NINL: variants seen among roughly 807,000 people sequenced by gnomAD.
The protein encoded by NINL is ninein like.
A neutral mutation model predicts 160.3 loss-of-function variants in NINL; 153 were observed. The observed-to-expected ratio is 0.95, with a 90% confidence interval of 0.84 to 1.09. The LOEUF (loss-of-function observed/expected upper bound fraction) is 1.09, where lower values mean the gene tolerates loss of function less well. NINL is among the 50% of genes least tolerant of loss of function. NINL has a pLI of 0.00. For synonymous variants in NINL, 800 were observed against 734.8 expected (o/e 1.09, Z -1.43); for missense variants, 1,829 against 1,764.0 (o/e 1.04, Z -0.66).
At chr20:25,554,047 C>G (rs116557318) in intron 1 of NINL, among the ~76,000 whole-genome samples, 103 of 152,316 alleles carry the variant, frequency 6.8e-4, no homozygotes, top group African/African-American at 2.5e-3. Context: ...AAGGACCAGG[C>G]CTTCTAACCT....
intron 1 of NINL, among the ~76,000 whole-genome samples, chr20:25,562,187 T>C (rs867903015): frequency 5.3e-4 from 56 of 105,114 alleles, no homozygotes; most frequent in South Asian, 7.2e-4. Context: ...GTCAGCCCCC[T>C]GCCCGGCCAG....
chr20:25,462,958 C>T (rs1415219223), intron 19 of NINL, among the ~76,000 whole-genome samples: 1 of 152,124 alleles, frequency 6.6e-6, no homozygotes, highest in Non-Finnish European at 1.5e-5. Context: ...CCCAGCCCCA[C>T]CTTGCCCCCT....
At chr20:25,482,570 C>T (rs1483028537) in intron 13 of NINL, among the ~76,000 whole-genome samples, 3 of 151,632 alleles carry the variant, frequency 2.0e-5, no homozygotes, top group African/African-American at 4.8e-5. Flanking sequence ...AGGCTGGTCT[C>T]GAACTCCTGG....
intron 2 of NINL, among the ~76,000 whole-genome samples, chr20:25,525,587 A>G (rs2064344414): frequency 6.6e-6 from 1 of 152,122 alleles, no homozygotes; most frequent in African/African-American, 2.4e-5. Flanking sequence ...CTGGGAGTTG[A>G]AGGTTGCAGT....
intron 1 of NINL, among the ~76,000 whole-genome samples, chr20:25,584,468 G>GCAACAACAACAAGAA (rs1555880263): frequency 6.6e-6 from 1 of 151,998 alleles, no homozygotes; most frequent in Non-Finnish European, 1.5e-5. Flanking sequence ...TTCAAAAACA[G>GCAACAACAACAAGAA]CAACAACAAC....
At chr20:25,493,734 A>G (rs984612634) in intron 10 of NINL, among the ~76,000 whole-genome samples, 1 of 152,004 alleles carries the variant, frequency 6.6e-6, no homozygotes, top group Non-Finnish European at 1.5e-5. Context: ...CAGCTGACGG[A>G]GACCACAGAG....
At chr20:25,556,740 G>A (rs1287139648) in intron 1 of NINL, among the ~76,000 whole-genome samples, 1 of 152,154 alleles carries the variant, frequency 6.6e-6, no homozygotes, top group Admixed American at 6.5e-5. Flanking sequence ...CCAGGAGATC[G>A]AGGCTGCAGG....
intron 1 of NINL, among the ~76,000 whole-genome samples, chr20:25,584,563 C>T (rs1173042503): frequency 6.6e-6 from 1 of 152,208 alleles, no homozygotes; most frequent in African/African-American, 2.4e-5. Flanking sequence ...ACAGCAAAGG[C>T]CGCTAAGAAA....
intron 1 of NINL, among the ~76,000 whole-genome samples, chr20:25,539,834 A>G (rs748310362): frequency 7.2e-5 from 11 of 152,224 alleles, no homozygotes; most frequent in Non-Finnish European, 1.5e-4. Flanking sequence ...CCCCTTCTCT[A>G]TCATCCTTCC....
intron 1 of NINL, among the ~76,000 whole-genome samples, chr20:25,554,150 G>A (rs545717798): frequency 1.3e-5 from 2 of 152,290 alleles, no homozygotes; most frequent in East Asian, 3.9e-4. Flanking sequence ...GAAGGGCAGC[G>A]AGGTGTGTCG....
In NINL at chr20:25,546,300, AAC is replaced by A. The variant is rs150339249; in HGVS notation, c.-11-19704_-11-19703del. ...GTTTCCCCCAGGTGGATTCTGACTGAACAGTTTATGAGTGATTTCTCCATACC... is the reference window on the plus strand; with the variant it reads ...GTTTCCCCCAGGTGGATTCTGACTGAAGTTTATGAGTGATTTCTCCATACC... On this transcript the variant is annotated intron_variant, in intron 1 of 23. Transcript: ENST00000278886. Among the ~76,000 whole-genome samples, 1,000 of 152,298 alleles carry A rather than the reference AAC, an allele frequency of 6.6e-3. 17 individuals carry two copies. Among genetic ancestry groups the A allele is most frequent in the African/African-American group, 0.023 (958 of 41,566 alleles).
At chr20:25,568,656 C>T (rs1205922310) in intron 1 of NINL, among the ~76,000 whole-genome samples, 1 of 151,890 alleles carries the variant, frequency 6.6e-6, no homozygotes, top group Non-Finnish European at 1.5e-5. Context: ...AGTGATCCTG[C>T]CACCTCAGCC....
rs1210547274 is a variant in NINL, at chr20:25,479,057, G to A, written c.2067C>T (p.Val689=). The A allele has an allele frequency of 5.0e-6, 8 of 1,612,180 alleles. No homozygotes were observed. The African/African-American group carries it at 8.0e-5, about 16-fold the overall frequency. ...GCAGCTGCTCCTGCAGGCCCCAGAT[G>A]ACCTCCTGAGACTTCTCGTGGAGCT... The part of the protein sequence containing the change: ...LEELHEKSQE[V]IWGLQEQLQD... Residue 689 remains valine (V), a synonymous_variant, in exon 16 of 24, where the codon GTC becomes GTT. Coordinates refer to ENST00000278886, the MANE Select transcript of NINL (RefSeq NM_025176.6).
At chr20:25,552,633 T>C (rs2064818770) in intron 1 of NINL, among the ~76,000 whole-genome samples, 2 of 152,216 alleles carry the variant, frequency 1.3e-5, no homozygotes, top group Non-Finnish European at 2.9e-5. Flanking sequence ...CTCCAGCATT[T>C]GGTCAAGCCC....
chr20:25,461,719 C>A, intron 20 of NINL, 84 bp from the exon 21 acceptor site: 3 of 957,664 alleles, frequency 3.1e-6, no homozygotes, highest in Admixed American at 4.6e-5. Flanking sequence ...CAGAAAATTA[C>A]AGAAAAGAAA....
intron 2 of NINL, among the ~76,000 whole-genome samples, chr20:25,522,853 A>C (rs2064287297): frequency 1.3e-5 from 2 of 152,198 alleles, no homozygotes; most frequent in Admixed American, 6.5e-5. Context: ...AATAAGATAC[A>C]CCATCCCATC....
chr20:25,522,669 G>T (rs1295703953), intron 2 of NINL, among the ~76,000 whole-genome samples: 1 of 152,196 alleles, frequency 6.6e-6, no homozygotes, highest in African/African-American at 2.4e-5. Flanking sequence ...TGTGTTGTTG[G>T]TAATAATTGC....
rs182271112 is a variant in NINL at position 25,565,851 on chromosome 20, C to T, written c.-12+19604G>A. Among the ~76,000 whole-genome samples, 86 of 152,264 alleles carry T rather than the reference C, an allele frequency of 5.6e-4. 3 individuals carry two copies. In the East Asian group the frequency reaches 0.016, roughly 28 times the overall value. On this transcript the variant is annotated intron_variant, in intron 1 of 23. Coordinates refer to ENST00000278886, the MANE Select transcript of NINL (RefSeq NM_025176.6). The stretch of plus-strand genomic sequence containing the variant: ...AAAGGCAAATCTATCTGCTGAGCTG[C>T]CATGCACTCTTCCTCTCCTGTCCTG...
chr20:25,578,034 G>A (rs1454483059), intron 1 of NINL, among the ~76,000 whole-genome samples: 2 of 150,542 alleles, frequency 1.3e-5, no homozygotes, highest in East Asian at 3.9e-4. Context: ...GTTTTTCCAC[G>A]TTGGTCAGGC....
Sources: gnomAD v4.1 joint callset for allele counts (sites outside exome capture counted in the v4.1 genomes callset) on GRCh38, gnomAD v4.1.1 for gene constraint, MANE v1.5 for transcripts, NCBI Gene and HGNC (gene_info 2026-07-23, HGNC 2026-07-21) for gene names.